AP4B1: variants seen among roughly 807,000 people sequenced by gnomAD.
The protein encoded by AP4B1 is AP-4 complex subunit beta-1.
AP4B1 carries 49 observed loss-of-function variants against 76.5 expected under a neutral mutation model. The ratio of observed to expected loss-of-function variants is 0.64; its 90% CI spans 0.51 to 0.81. The LOEUF (loss-of-function observed/expected upper bound fraction) is 0.81. Among genes scored for constraint, AP4B1 ranks in the 40% least tolerant of loss-of-function variants. The probability of loss-of-function intolerance (pLI) is 0.00; values close to 1 mark genes in which losing one functional copy is unlikely to be tolerated. For synonymous variants in AP4B1, 330 were observed against 333.3 expected (o/e 0.99, Z 0.11); for missense variants, 911 against 904.9 (o/e 1.01, Z -0.09).
At chr1:113,899,725 A>AT in intron 5 of AP4B1, 179 bp downstream of exon 5, 1 of 1,004,606 alleles carries the variant, frequency 1.0e-6, no homozygotes. Context: ...CCAAAAAAAA[A>AT]CAAAAAACAA....
In AP4B1 at chr1:113,901,809, C is replaced by G. The variant is rs750869044; in HGVS notation, c.415G>C (p.Val139Leu). The G allele has an allele frequency of 1.9e-6, 3 of 1,614,200 alleles. No individual in the cohort carries two copies. In the Admixed American group the frequency reaches 5.0e-5, roughly 27 times the overall value. Residue 139 changes from valine to leucine, a missense_variant, in exon 3 of 10, where the codon GTG becomes CTG. Transcript: ENST00000369569. ...LRDKASYVRR[V>L]AVLGCAKMHN... The stretch of plus-strand genomic sequence containing the variant: ...ATCTTGGCACATCCAAGGACTGCCA[C>G]TCTCCTGACATATGAAGCCTTATCC...
intron 3 of AP4B1, 56 bp downstream of exon 3, chr1:113,901,699 T>C: frequency 1.2e-6 from 2 of 1,610,452 alleles, no homozygotes; most frequent in African/African-American, 2.7e-5. Flanking sequence ...CACAATCTTT[T>C]TTAAAGTTAT....
intron 8 of AP4B1, 80 bp downstream of exon 8, chr1:113,896,178 G>C: frequency 6.3e-7 from 1 of 1,595,736 alleles, no homozygotes; most frequent in Admixed American, 1.7e-5. Flanking sequence ...GGTCCCAGAC[G>C]TGACTCACCA....
chr1:113,896,178 G>A lies in AP4B1; in HGVS notation c.1510+80C>T, dbSNP rs951441324. On this transcript the variant is annotated intron_variant, in intron 8 of 9. Coordinates refer to ENST00000369569, the MANE Select transcript of AP4B1 (RefSeq NM_001253852.3). ...CACATTTTCTTCTCGGGTCCCAGAC[G>A]TGACTCACCAAACAATGAAAGCTAT... 83 of 1,595,618 alleles carry A rather than the reference G, an allele frequency of 5.2e-5. 1 individual carries two copies. The highest frequency in any genetic ancestry group is 4.0e-4 in the Admixed American group (24 of 59,974).
chr1:113,902,315 G>A (rs1558094686), intron 2 of AP4B1, among the ~76,000 whole-genome samples: 1 of 152,170 alleles, frequency 6.6e-6, no homozygotes, highest in African/African-American at 2.4e-5. Context: ...ACAGGCATGA[G>A]CCACTGTGCC....
At chr1:113,897,380 T>G (rs761994719) in intron 7 of AP4B1, 1 of 206,504 alleles carries the variant, frequency 4.8e-6, no homozygotes, top group Non-Finnish European at 1.0e-5. Flanking sequence ...CACTTGAGGC[T>G]AGGAATTCTA....
rs772403179 is a variant in AP4B1, at chr1:113,904,707, A to T, written c.11T>A (p.Leu4His). 1 of 1,612,338 alleles carries T rather than the reference A, an allele frequency of 6.2e-7. No homozygotes were observed. Among genetic ancestry groups the T allele is most frequent in the East Asian group, 2.2e-5 (1 of 44,866 alleles). ...CTCCTTCACCACGTCCTCGGAGCCA[A>T]GGTACGGCATCTTCCTAAGAGTCAC... Reference protein sequence around the residue: MPYLGSEDVVKELK... With the variant: MPYHGSEDVVKELK... Residue 4 changes from leucine to histidine, a missense_variant, in exon 1 of 10, where the codon CTT (leucine) becomes CAT (histidine). Coordinates refer to ENST00000369569, the MANE Select transcript of AP4B1 (RefSeq NM_001253852.3).
In AP4B1 at chr1:113,895,463, T is replaced by C. The variant is rs761756404; in HGVS notation, c.1822A>G (p.Arg608Gly). ...GPLIPEENKE[R>G]VQELPDSGAL... ...CCAGAATCAGGGAGTTCTTGTACCC[T>C]CTCCTTGTTCTCTTCAGGAATCAAG... Residue 608 changes from arginine to glycine, a missense_variant, in exon 10 of 10, where the codon AGG (arginine) becomes GGG (glycine). Coordinates refer to ENST00000369569, the MANE Select transcript of AP4B1 (RefSeq NM_001253852.3). 17 of 1,614,088 alleles carry C rather than the reference T, an allele frequency of 1.1e-5. No individual in the cohort carries two copies. Among genetic ancestry groups the C allele is most frequent in the Non-Finnish European group, 1.3e-5 (15 of 1,180,046 alleles).
rs1438760528 is a variant in AP4B1 at position 113,895,201 on chromosome 1, G to A, written c.2084C>T (p.Thr695Ile). 6.2e-7 allele frequency: 1 copy of A among 1,614,062 alleles called. No individual in the cohort carries two copies. The highest frequency in any genetic ancestry group is 8.5e-7 in the Non-Finnish European group (1 of 1,180,040). The part of the protein sequence containing the change: ...AQDDTGCLFL[T>I]ELLLEPGNSE... ...GTTTCCAGGCTCCAATAGCAGTTCTGTTAAGAACAGACAGCCAGTATCATC... is the reference window on the plus strand; with the variant it reads ...GTTTCCAGGCTCCAATAGCAGTTCTATTAAGAACAGACAGCCAGTATCATC... Residue 695 changes from threonine (T) to isoleucine (I), a missense_variant, in exon 10 of 10, where the codon ACA (threonine) becomes ATA (isoleucine). Thr to Ile is a moderately conservative substitution (Grantham distance 89). Transcript: ENST00000369569.
At chr1:113,899,160 G>T in intron 5 of AP4B1, 1 of 1,102,160 alleles carries the variant, frequency 9.1e-7, no homozygotes, top group South Asian at 2.4e-5. Context: ...ACACTTGACA[G>T]CAGTCTCCTA....
In AP4B1 at chr1:113,901,371, A is replaced by G. The variant is rs757698429; in HGVS notation, c.482T>C (p.Val161Ala). ...ACGCAGCAAACTGTATAATTCATTT[A>G]CCAGGGCACCATCTATAAAAAAGAA... ...HGDSEVDGALVNELYSLLRDQ... is the reference protein window; with the variant it reads ...HGDSEVDGALANELYSLLRDQ... Residue 161 changes from valine to alanine, a missense_variant, in exon 4 of 10, where the codon GTA (valine) becomes GCA (alanine). Transcript: ENST00000369569. 6.2e-7 allele frequency: 1 copy of G among 1,614,144 alleles called. No individual in the cohort carries two copies. Among genetic ancestry groups the G allele is most frequent in the South Asian group, 1.1e-5 (1 of 91,086 alleles).
At chr1:113,898,682 C>CA (rs780206804) in intron 6 of AP4B1, 36 bp downstream of exon 6, 135 of 1,539,754 alleles carry the variant, frequency 8.8e-5, no homozygotes, top group Non-Finnish European at 9.2e-5. Context: ...AGGCACCTGA[C>CA]AAAAAAAACA....
intron 9 of AP4B1, 82 bp downstream of exon 9, chr1:113,895,675 T>C (rs1667378153): frequency 6.3e-7 from 1 of 1,586,768 alleles, no homozygotes; most frequent in Admixed American, 1.7e-5. Flanking sequence ...TGAGGTTTAG[T>C]GCTAAGATAC....
chr1:113,904,847 A>T (rs906809986), upstream of AP4B1: 5 of 845,112 alleles, frequency 5.9e-6, no homozygotes, highest in African/African-American at 1.7e-5. Context: ...ATCTCGCCTC[A>T]GGCTCGGCTT....
intron 4 of AP4B1, 78 bp from the exon 5 acceptor site, chr1:113,900,478 G>A (rs556361029): frequency 5.8e-6 from 9 of 1,540,376 alleles, no homozygotes; most frequent in African/African-American, 1.4e-5. Flanking sequence ...ATATGACCAG[G>A]TGGTTGTTCA....
At position 113,899,742 on chromosome 1, in the gene AP4B1, A is replaced by AC. The variant is rs397841354; in HGVS notation, c.1114+161dup. The AC allele has an allele frequency of 2.5e-6, 3 of 1,178,686 alleles. No individual in the cohort carries two copies. The Admixed American group carries it at 6.6e-5, about 26-fold the overall frequency. The allele number at this position is 1,178,686 out of a possible 1,614,324, so 73.0% of individuals were successfully genotyped here. On this transcript the variant is annotated intron_variant, in intron 5 of 9. Coordinates refer to ENST00000369569, the MANE Select transcript of AP4B1 (RefSeq NM_001253852.3). ...AAAAAAAAACAAAAAACAAAAAAAA[A>AC]CTCTCTTCCCCCGTGTTTGTAGTCA... is the stretch of plus-strand genomic sequence containing the variant.
intron 2 of AP4B1, 190 bp from the exon 3 acceptor site, chr1:113,902,075 G>A (rs1668344074): frequency 1.4e-6 from 1 of 711,080 alleles, no homozygotes; most frequent in South Asian, 1.7e-5. Flanking sequence ...TTTTCAAGAT[G>A]GGGTCTCACT....
chr1:113,902,468 T>C (rs1355063248), intron 2 of AP4B1, among the ~76,000 whole-genome samples, 170 bp downstream of exon 2: 3 of 152,230 alleles, frequency 2.0e-5, no homozygotes, highest in Non-Finnish European at 4.4e-5. Context: ...AATAAAATTA[T>C]ATGATACAGG....
intron 4 of AP4B1, 58 bp from the exon 5 acceptor site, chr1:113,900,458 T>A: frequency 1.3e-6 from 2 of 1,591,904 alleles, no homozygotes; most frequent in South Asian, 2.2e-5. Flanking sequence ...ACCATTTCCA[T>A]GCCACTGCCA....
Sources: gnomAD v4.1 joint callset for allele counts (sites outside exome capture counted in the v4.1 genomes callset) on GRCh38, gnomAD v4.1.1 for gene constraint, MANE v1.5 for transcripts, NCBI Gene and HGNC (gene_info 2026-07-23, HGNC 2026-07-21) for gene names.